Variants in RARA observed in about 807,000 individuals in gnomAD.
The protein encoded by RARA is PML-DDX5-RARA fusion.
Under a neutral mutation model 42.8 loss-of-function variants are expected in RARA, and 5 were observed. The ratio of observed to expected loss-of-function variants is 0.12; its 90% CI spans 0.06 to 0.25. The LOEUF (loss-of-function observed/expected upper bound fraction) is 0.25, where lower values mean the gene tolerates loss of function less well. Ranked by LOEUF, RARA falls within the 10% of genes least tolerant of loss-of-function variation. The pLI is 1.00. For missense variants in RARA, 402 were observed against 628.7 expected, an observed-to-expected ratio of 0.64 and a Z score of 3.86; for synonymous variants, 256 against 259.5, an observed-to-expected ratio of 0.99 and a Z score of 0.13.
chr17:40,357,541 C>T lies in RARA; in HGVS notation c.*1315C>T, dbSNP rs1211208827. The stretch of plus-strand genomic sequence containing the variant: ...GCTGGCTCTGCCCCGACCTCCTTCA[C>T]CAGGGGTTGGGGCCCCTTCCCCTGG... On this transcript the variant is annotated 3_prime_UTR_variant, in exon 9 of 9. Coordinates refer to ENST00000254066, the MANE Select transcript of RARA (RefSeq NM_000964.4). The T allele has an allele frequency of 1.3e-5, 3 of 232,146 alleles. No individual in the cohort carries two copies. Among genetic ancestry groups the T allele is most frequent in the African/African-American group, 6.6e-5 (3 of 45,232 alleles). The allele number at this position is 232,146 out of a possible 1,614,324, so 14.4% of individuals were successfully genotyped here. A position where few individuals can be genotyped will look rare whatever the true frequency, so the allele number is the denominator to read the frequency against.
intron 2 of RARA, chr17:40,342,246 C>T (rs2034083316): frequency 2.8e-6 from 3 of 1,057,128 alleles, no homozygotes; most frequent in East Asian, 5.2e-5. Flanking sequence ...CCACCCCCAC[C>T]CGGAATCCTC....
rs1475274624 is a variant in RARA, at chr17:40,324,010, C to T, written c.-362-6847C>T. Among the ~76,000 whole-genome samples the T allele has an allele frequency of 2.0e-5, 3 of 152,064 alleles. No individual in the cohort carries two copies. The South Asian group carries it at 6.2e-4, about 32-fold the overall frequency. On this transcript the variant is annotated intron_variant, in intron 1 of 8. Coordinates refer to ENST00000254066, the MANE Select transcript of RARA (RefSeq NM_000964.4). ...AGGGCTGCTGCAGCCTATCTCCCCA[C>T]CCTGGCCCTGCCTGTATCTCTGTAA...
At chr17:40,322,953 C>T (rs2033432782) in intron 1 of RARA, 1 of 152,268 alleles carries the variant, frequency 6.6e-6, no homozygotes, top group African/African-American at 2.4e-5. Flanking sequence ...TGTCACGTGG[C>T]TGTCACTTCC....
At chr17:40,312,269 G>A (rs370659168) in intron 1 of RARA, among the ~76,000 whole-genome samples, 1 of 152,224 alleles carries the variant, frequency 6.6e-6, no homozygotes, top group East Asian at 1.9e-4. Flanking sequence ...CCTCCCGCAG[G>A]GTAGGGGCAG....
Position 40,355,497 on chromosome 17 carries a change from T to C in RARA, c.1171+76T>C. On this transcript the variant is annotated intron_variant, in intron 8 of 8. Transcript: ENST00000254066. The surrounding 1 kb of genome is among the most constrained non-coding windows in gnomAD (Gnocchi z 4.1). ...CCCCCACATCCAAGCCAGCACCCCA[T>C]GTCTTTGTGCCAGGACAATACGACA... is the stretch of plus-strand genomic sequence containing the variant. 1.3e-6 allele frequency: 2 copies of C among 1,514,294 alleles called. No individual in the cohort carries two copies. The highest frequency in any genetic ancestry group is 1.8e-6 in the Non-Finnish European group (2 of 1,121,872). 93.8% of individuals were successfully genotyped at this position (1,514,294 alleles called of 1,614,324 possible).
At chr17:40,332,561 C>T (rs557592597) in intron 2 of RARA, among the ~76,000 whole-genome samples, 4 of 152,288 alleles carry the variant, frequency 2.6e-5, no homozygotes, top group African/African-American at 9.6e-5. Flanking sequence ...CCTGGCTGGG[C>T]GCCTCACTGC....
rs1006371526 is a variant in RARA, at chr17:40,357,599, T to C, written c.*1373T>C. 4.3e-5 allele frequency: 10 copies of C among 230,792 alleles called. No homozygotes were observed. The highest frequency in any genetic ancestry group is 6.9e-5 in the Non-Finnish European group (8 of 116,536). The allele number at this position is 230,792 out of a possible 1,614,324, so 14.3% of individuals were successfully genotyped here. A position where few individuals can be genotyped will look rare whatever the true frequency, so the allele number is the denominator to read the frequency against. On this transcript the variant is annotated 3_prime_UTR_variant, in exon 9 of 9. Coordinates refer to ENST00000254066, the MANE Select transcript of RARA (RefSeq NM_000964.4). ...GGGTGCACCTGTTACTGTTGGGCTT[T>C]CCACTGAGATCTACTGGATAAAGAA... is the stretch of plus-strand genomic sequence containing the variant.
chr17:40,322,916 C>A (rs1217042584), intron 1 of RARA: 3 of 152,102 alleles, frequency 2.0e-5, no homozygotes, highest in Non-Finnish European at 4.4e-5. Flanking sequence ...CATCACCCCC[C>A]CAACACTAAG....
Position 40,355,995 on chromosome 17 carries a change from C to T in RARA, c.1172-14C>T. 6.3e-7 allele frequency: 1 copy of T among 1,587,710 alleles called. No homozygotes were observed. The highest frequency in any genetic ancestry group is 8.6e-7 in the Non-Finnish European group (1 of 1,168,144). On this transcript the variant is annotated splice_polypyrimidine_tract_variant and intron_variant, in intron 8 of 8. Transcript: ENST00000254066. The surrounding 1 kb of genome is among the most constrained non-coding windows in gnomAD (Gnocchi z 4.1). The stretch of plus-strand genomic sequence containing the variant: ...GGCCCAGCGTGCTGACCTCTGCCCC[C>T]TCCTTTCCTGCAGGGGCTGAGCGGG...
rs558844389 is a variant in RARA at position 40,357,478 on chromosome 17, G to T, written c.*1252G>T. The stretch of plus-strand genomic sequence containing the variant: ...CTTACCCCGCAGGACGGGCCTACAG[G>T]GGGGTCTCCCCTCACCCCTGCACCC... On this transcript the variant is annotated 3_prime_UTR_variant, in exon 9 of 9. Coordinates refer to ENST00000254066, the MANE Select transcript of RARA (RefSeq NM_000964.4). 358 of 227,690 alleles carry T rather than the reference G, an allele frequency of 1.6e-3. No homozygotes were observed. The highest frequency in any genetic ancestry group is 5.9e-3 in the African/African-American group (266 of 44,790). 14.1% of individuals were successfully genotyped at this position (227,690 alleles called of 1,614,324 possible).
At chr17:40,340,848 G>A (rs2034010912) in intron 2 of RARA, 1 of 400,118 alleles carries the variant, frequency 2.5e-6, no homozygotes, top group Admixed American at 4.4e-5. Context: ...GTAAGAACAT[G>A]GGCTTTGGCA....
chr17:40,355,364 C>T lies in RARA; in HGVS notation c.1114C>T (p.His372Tyr). ...YVRKRRPSRP[H>Y]MFPKMLMKIT... ...GCGGAAGCGGAGGCCCAGCCGCCCCCACATGTTCCCCAAGATGCTAATGAA... is the reference window on the plus strand; with the variant it reads ...GCGGAAGCGGAGGCCCAGCCGCCCCTACATGTTCCCCAAGATGCTAATGAA... The change falls in exon 8 of 9, where the codon CAC (histidine) becomes TAC (tyrosine). Residue 372 changes from histidine to tyrosine, a missense_variant. His to Tyr is a moderately conservative substitution (Grantham distance 83). Transcript: ENST00000254066. The surrounding 1 kb of genome is among the most constrained non-coding windows in gnomAD (Gnocchi z 4.1). 2 of 1,613,904 alleles carry T rather than the reference C, an allele frequency of 1.2e-6. No homozygotes were observed. Among genetic ancestry groups the T allele is most frequent in the South Asian group, 1.1e-5 (1 of 91,034 alleles).
At chr17:40,315,156 A>G (rs903037944) in intron 1 of RARA, among the ~76,000 whole-genome samples, 2 of 135,374 alleles carry the variant, frequency 1.5e-5, no homozygotes, top group East Asian at 2.1e-4. Context: ...ATATATATAT[A>G]TATATATATA....
At chr17:40,340,284 C>T (rs762264679) in intron 2 of RARA, among the ~76,000 whole-genome samples, 21 of 152,218 alleles carry the variant, frequency 1.4e-4, no homozygotes, top group Admixed American at 1.0e-3. Context: ...ATTCTTCACA[C>T]AACTACTGGA....
At chr17:40,334,702 C>A (rs2033794210) in intron 2 of RARA, among the ~76,000 whole-genome samples, 1 of 152,204 alleles carries the variant, frequency 6.6e-6, no homozygotes, top group South Asian at 2.1e-4. Flanking sequence ...TCTGCCCATA[C>A]CCTTTTTGTA....
intron 2 of RARA, chr17:40,342,398 T>C: frequency 8.7e-7 from 1 of 1,144,760 alleles, no homozygotes; most frequent in Non-Finnish European, 1.1e-6. Flanking sequence ...CACGAGACTC[T>C]AGACGGGAGT....
chr17:40,322,546 G>A lies in RARA; in HGVS notation c.-362-8311G>A, dbSNP rs369636066. On this transcript the variant is annotated intron_variant, in intron 1 of 8. Coordinates refer to ENST00000254066, the MANE Select transcript of RARA (RefSeq NM_000964.4). ...GTGTGTACACACCTACCTTGGAGTG[G>A]CTTTATCCCGGCCCTCCCCCCGGAG... Among the ~76,000 whole-genome samples the A allele has an allele frequency of 3.9e-5, 6 of 152,212 alleles. No individual in the cohort carries two copies. The East Asian group carries it at 1.2e-3, about 29-fold the overall frequency.
chr17:40,321,114 G>A (rs1350229804), intron 1 of RARA, among the ~76,000 whole-genome samples: 1 of 152,076 alleles, frequency 6.6e-6, no homozygotes, highest in Non-Finnish European at 1.5e-5. Flanking sequence ...ACGGTGGGGG[G>A]CAGGGCCTGG....
chr17:40,356,361 C>A lies in RARA; in HGVS notation c.*135C>A. 2 of 1,010,490 alleles carry A rather than the reference C, an allele frequency of 2.0e-6. No homozygotes were observed. The highest frequency in any genetic ancestry group is 3.0e-6 in the Non-Finnish European group (2 of 666,026). 62.6% of individuals were successfully genotyped at this position (1,010,490 alleles called of 1,614,324 possible). On this transcript the variant is annotated 3_prime_UTR_variant, in exon 9 of 9. Transcript: ENST00000254066. Reference sequence around the variant, plus strand: ...AGTACTGGGGACCTTCCCTGGGGGACGGGGAGGGAGGAGGCAGCGACTCCT... The same window carrying A: ...AGTACTGGGGACCTTCCCTGGGGGAAGGGGAGGGAGGAGGCAGCGACTCCT...
Sources: gnomAD v4.1 joint callset for allele counts (sites outside exome capture counted in the v4.1 genomes callset) on GRCh38, gnomAD v4.1.1 for gene constraint, Gnocchi (gnomAD v3.1) non-coding constraint, MANE v1.5 for transcripts, NCBI Gene and HGNC (gene_info 2026-07-23, HGNC 2026-07-21) for gene names.